ZC3H14: variants seen among roughly 807,000 people sequenced by gnomAD.
ZC3H14 encodes the protein zinc finger CCCH-type containing 14, also known as zinc finger CCCH domain-containing protein 14.
ZC3H14 carries 31 observed loss-of-function variants against 92.4 expected under a neutral mutation model. The ratio of observed to expected loss-of-function variants is 0.34; its 90% CI spans 0.25 to 0.45. The LOEUF (loss-of-function observed/expected upper bound fraction) is 0.45, where lower values mean the gene tolerates loss of function less well. Ranked by LOEUF, ZC3H14 falls within the 20% of genes least tolerant of loss-of-function variation. The pLI is 1.00. For missense variants in ZC3H14, 781 were observed against 897.3 expected, an observed-to-expected ratio of 0.87 and a Z score of 1.66; for synonymous variants, 321 against 300.9, an observed-to-expected ratio of 1.07 and a Z score of -0.69.
intron 6 of ZC3H14, 37 bp from the exon 7 acceptor site, chr14:88,574,656 C>T (rs770921523): frequency 5.6e-6 from 9 of 1,612,390 alleles, no homozygotes; most frequent in East Asian, 2.2e-5. Flanking sequence ...TTGTTATTTT[C>T]TGAGATTAGG....
rs1419050771 is a variant in ZC3H14, at chr14:88,626,628, A to C, written c.*14877A>C. On this transcript the variant is annotated 3_prime_UTR_variant, in exon 17 of 17. Coordinates refer to ENST00000251038, the MANE Select transcript of ZC3H14 (RefSeq NM_024824.5). ...TGAGATACTGTGTCAAAAAAAAAAA[A>C]AAATCCTTTTCCCCCTCTCATTAAC... 1.7e-6 allele frequency: 1 copy of C among 595,054 alleles called. No homozygotes were observed. Among genetic ancestry groups the C allele is most frequent in the East Asian group, 3.0e-5 (1 of 33,578 alleles). 36.9% of individuals were successfully genotyped at this position (595,054 alleles called of 1,614,324 possible). A position where few individuals can be genotyped will look rare whatever the true frequency, so the allele number is the denominator to read the frequency against.
At position 88,617,629 on chromosome 14, in the gene ZC3H14, A is replaced by T. The variant is rs902525561; in HGVS notation, c.*5878A>T. The T allele has an allele frequency of 2.0e-5, 3 of 152,180 alleles. No homozygotes were observed. Among genetic ancestry groups the T allele is most frequent in the Non-Finnish European group, 2.9e-5 (2 of 68,070 alleles). 9.4% of individuals were successfully genotyped at this position (152,180 alleles called of 1,614,324 possible). ...TACAAAAATAAAAATGACTTATGACATAGGAATTAAAAAAATTTCAGAGAT... is the reference window on the plus strand; with the variant it reads ...TACAAAAATAAAAATGACTTATGACTTAGGAATTAAAAAAATTTCAGAGAT... On this transcript the variant is annotated 3_prime_UTR_variant, in exon 17 of 17. Coordinates refer to ENST00000251038, the MANE Select transcript of ZC3H14 (RefSeq NM_024824.5).
intron 1 of ZC3H14, 170 bp downstream of exon 1, chr14:88,563,339 T>G: frequency 6.7e-7 from 1 of 1,485,088 alleles, no homozygotes; most frequent in South Asian, 1.3e-5. Flanking sequence ...TGGGGACATT[T>G]GCGGCCTCGG....
At chr14:88,580,878 T>A (rs1365260510) in intron 9 of ZC3H14, among the ~76,000 whole-genome samples, 1 of 152,212 alleles carries the variant, frequency 6.6e-6, no homozygotes, top group East Asian at 1.9e-4. Context: ...ATCATCAAAC[T>A]TTTCAACAGC....
Position 88,570,990 on chromosome 14 carries a change from A to G in ZC3H14, c.195-94A>G, listed in dbSNP as rs1018939301. ...AAAATATAAAAAAATTTAAAAAATT[A>G]TCTCTGAATATAATGTCATAAATTT... On this transcript the variant is annotated intron_variant, in intron 3 of 16. Transcript: ENST00000251038. 6.0e-6 allele frequency: 6 copies of G among 994,478 alleles called. No individual in the cohort carries two copies. The Admixed American group carries it at 9.3e-5, about 15-fold the overall frequency. 61.6% of individuals were successfully genotyped at this position (994,478 alleles called of 1,614,324 possible). A position where few individuals can be genotyped will look rare whatever the true frequency, so the allele number is the denominator to read the frequency against.
intron 10 of ZC3H14, among the ~76,000 whole-genome samples, chr14:88,600,693 C>T (rs911207540): frequency 6.6e-6 from 1 of 152,116 alleles, no homozygotes; most frequent in African/African-American, 2.4e-5. Flanking sequence ...CTTATGGAAT[C>T]CTTGTGCCTT....
rs770659304 is a variant in ZC3H14, at chr14:88,603,018, C to T, written c.1705C>T (p.Leu569=). 14 of 1,614,158 alleles carry T rather than the reference C, an allele frequency of 8.7e-6. No individual in the cohort carries two copies. The highest frequency in any genetic ancestry group is 1.2e-5 in the Non-Finnish European group (14 of 1,180,022). ...CCTCCACCCACAGCAGTTGCACTTG[C>T]TGAGCAGGCAGCTTGAGGACCCAAA... The part of the protein sequence containing the change: ...GLLHPQQLHL[L]SRQLEDPNGS... Residue 569 remains leucine (L), a synonymous_variant, in exon 12 of 17, where the codon CTG becomes TTG. Coordinates refer to ENST00000251038, the MANE Select transcript of ZC3H14 (RefSeq NM_024824.5).
At chr14:88,568,180 G>A in intron 3 of ZC3H14, 27 bp downstream of exon 3, 1 of 1,596,082 alleles carries the variant, frequency 6.3e-7, no homozygotes. Flanking sequence ...TTGTGCCTCA[G>A]ACCAAAGTTT....
chr14:88,571,926 T>C, intron 4 of ZC3H14, 104 bp from the exon 5 acceptor site: 1 of 938,446 alleles, frequency 1.1e-6, no homozygotes, highest in Non-Finnish European at 1.5e-6. Context: ...AACGCGCCAC[T>C]GCCCTCCAGC....
At chr14:88,595,076 T>C in intron 9 of ZC3H14, 1 of 1,612,928 alleles carries the variant, frequency 6.2e-7, no homozygotes, top group South Asian at 1.1e-5. Context: ...ACTACTGATG[T>C]AAAAATAATC....
chr14:88,611,687 A>G (rs2086814523), intron 16 of ZC3H14, 58 bp from the exon 17 acceptor site: 2 of 1,605,550 alleles, frequency 1.2e-6, no homozygotes. Flanking sequence ...ACTGAGATAT[A>G]TGGTATATAT....
At chr14:88,583,326 C>G (rs1388985655) in intron 9 of ZC3H14, among the ~76,000 whole-genome samples, 1 of 151,944 alleles carries the variant, frequency 6.6e-6, no homozygotes, top group Non-Finnish European at 1.5e-5. Flanking sequence ...CTATGTTGCC[C>G]AGGCTGGTCT....
chr14:88,608,397 A>G, intron 13 of ZC3H14: 2 of 426,630 alleles, frequency 4.7e-6, no homozygotes, highest in South Asian at 3.6e-5. Flanking sequence ...CTTTCAGTTT[A>G]GTGTCTGTAT....
At position 88,616,073 on chromosome 14, in the gene ZC3H14, G is replaced by C; in HGVS notation, c.*4322G>C. 1 of 1,513,960 alleles carries C rather than the reference G, an allele frequency of 6.6e-7. No homozygotes were observed. Among genetic ancestry groups the C allele is most frequent in the Non-Finnish European group, 9.2e-7 (1 of 1,090,336 alleles). 93.8% of individuals were successfully genotyped at this position (1,513,960 alleles called of 1,614,324 possible). A position where few individuals can be genotyped will look rare whatever the true frequency, so the allele number is the denominator to read the frequency against. ...GCTGATTTCATAAACCAAAGCTGTA[G>C]GAGTTGTTGTATTAAGTCTCTTAAC... On this transcript the variant is annotated 3_prime_UTR_variant, in exon 17 of 17. Transcript: ENST00000251038.
rs776587783 is a variant in ZC3H14, at chr14:88,563,638, C to G, written c.37-13C>G. The G allele has an allele frequency of 6.2e-6, 10 of 1,614,046 alleles. No individual in the cohort carries two copies. The East Asian group carries it at 1.6e-4, about 25-fold the overall frequency. ...CGCCTTTCTCACATGCACGTTTGCTCTTTTTCTCTCAGAGTGCCATTAAGG... is the reference window on the plus strand; with the variant it reads ...CGCCTTTCTCACATGCACGTTTGCTGTTTTTCTCTCAGAGTGCCATTAAGG... On this transcript the variant is annotated splice_polypyrimidine_tract_variant and intron_variant, in intron 1 of 16. Transcript: ENST00000251038.
At position 88,612,310 on chromosome 14, in the gene ZC3H14, A is replaced by T. The variant is rs1273246454; in HGVS notation, c.*559A>T. On this transcript the variant is annotated 3_prime_UTR_variant, in exon 17 of 17. Coordinates refer to ENST00000251038, the MANE Select transcript of ZC3H14 (RefSeq NM_024824.5). ...AAAAGCATGATTATACAGGCCTCTC[A>T]GGCTGAGTGCTACTTTGGTAAAGTT... is the stretch of plus-strand genomic sequence containing the variant. 6.4e-6 allele frequency: 1 copy of T among 156,418 alleles called. No individual in the cohort carries two copies. Among genetic ancestry groups the T allele is most frequent in the Non-Finnish European group, 1.4e-5 (1 of 70,564 alleles). 9.7% of individuals were successfully genotyped at this position (156,418 alleles called of 1,614,324 possible).
At chr14:88,584,425 CAT>C (rs760484101) in intron 9 of ZC3H14, among the ~76,000 whole-genome samples, 3 of 152,156 alleles carry the variant, frequency 2.0e-5, no homozygotes, top group Non-Finnish European at 4.4e-5. Flanking sequence ...TATCTTAAAA[CAT>C]ACACATCTAT....
Position 88,619,072 on chromosome 14 carries a change from A to G in ZC3H14, c.*7321A>G, listed in dbSNP as rs1480490103. The G allele has an allele frequency of 3.7e-6, 1 of 267,288 alleles. No homozygotes were observed. The highest frequency in any genetic ancestry group is 6.9e-6 in the Non-Finnish European group (1 of 144,238). 16.6% of individuals were successfully genotyped at this position (267,288 alleles called of 1,614,324 possible). A position where few individuals can be genotyped will look rare whatever the true frequency, so the allele number is the denominator to read the frequency against. The stretch of plus-strand genomic sequence containing the variant: ...CTTTAAAAACGTCTAATGGCTTAAA[A>G]AAACTTTCTTAGGCCAGGCCCAGTG... On this transcript the variant is annotated 3_prime_UTR_variant, in exon 17 of 17. Transcript: ENST00000251038.
chr14:88,595,953 G>C (rs781155221), intron 9 of ZC3H14, among the ~76,000 whole-genome samples: 1 of 152,128 alleles, frequency 6.6e-6, no homozygotes, highest in African/African-American at 2.4e-5. Context: ...GCGCTGTGGG[G>C]GCTACAGAAA....
Sources: allele counts gnomAD v4.1 joint callset (sites outside exome capture counted in the v4.1 genomes callset), GRCh38; gene constraint gnomAD v4.1.1; transcripts MANE v1.5; gene names NCBI Gene and HGNC (gene_info 2026-07-23, HGNC 2026-07-21).